The following RANBP2 variants were observed in gnomAD, a reference collection of about 807,000 sequenced individuals.
RANBP2 encodes the protein RAN binding protein 2, also known as E3 SUMO-protein ligase RanBP2.
RANBP2 carries 57 observed loss-of-function variants against 303.6 expected under a neutral mutation model. That is an observed-to-expected ratio of 0.19 (90% CI 0.15 to 0.23). The LOEUF (loss-of-function observed/expected upper bound fraction) is 0.23, where lower values mean the gene tolerates loss of function less well. Ranked by LOEUF, RANBP2 falls within the 10% of genes least tolerant of loss-of-function variation. The pLI is 1.00. For synonymous variants in RANBP2, 1,167 were observed against 1,301.5 expected, an observed-to-expected ratio of 0.90 and a Z score of 2.23; for missense variants, 3,138 against 3,780.8, an observed-to-expected ratio of 0.83 and a Z score of 4.46.
At chr2:109,616,292 T>G in the RANBP2 span, 5 of 484,382 alleles carry the variant, frequency 1.0e-5, no homozygotes, top group Non-Finnish European at 1.3e-5. Context: ...TGCCCTCCAC[T>G]TCCCTGCCCT....
chr2:109,330,102 A>G, the RANBP2 span, among the ~76,000 whole-genome samples: 2 of 152,250 alleles, frequency 1.3e-5, no homozygotes, highest in African/African-American at 4.8e-5. Flanking sequence ...AAATATATGT[A>G]GCACGGGCAT....
the RANBP2 span, among the ~76,000 whole-genome samples, chr2:109,353,167 C>T: frequency 6.6e-6 from 1 of 152,370 alleles, no homozygotes; most frequent in African/African-American, 2.4e-5. Flanking sequence ...CCACCTCACC[C>T]AGTCCTTGCT....
chr2:109,484,328 A>C, the RANBP2 span, among the ~76,000 whole-genome samples: 9 of 152,002 alleles, frequency 5.9e-5, 1 homozygote, highest in Admixed American at 5.2e-4. Flanking sequence ...TGGCCTCCCA[A>C]AGTGCTGGGA....
At chr2:109,655,306 A>G in the RANBP2 span, among the ~76,000 whole-genome samples, 2 of 152,144 alleles carry the variant, frequency 1.3e-5, no homozygotes, top group African/African-American at 4.8e-5. Flanking sequence ...AACTGGGAGG[A>G]TGTCAGAACA....
chr2:109,386,485 C>T, the RANBP2 span, among the ~76,000 whole-genome samples: 4 of 151,984 alleles, frequency 2.6e-5, no homozygotes, highest in African/African-American at 4.8e-5. Context: ...GCTCAGCAGG[C>T]GGGCTGTCCC....
intron 1 of RANBP2, among the ~76,000 whole-genome samples, chr2:108,722,523 C>A (rs7575995): frequency 6.6e-6 from 1 of 151,408 alleles, no homozygotes; most frequent in East Asian, 1.9e-4. Flanking sequence ...TCTAGAATGT[C>A]GGAGTTTTGG....
the RANBP2 span, among the ~76,000 whole-genome samples, chr2:109,300,932 C>T: frequency 6.6e-6 from 1 of 152,246 alleles, no homozygotes; most frequent in African/African-American, 2.4e-5. Context: ...GTGAGGGCCA[C>T]AGCATGGCTG....
chr2:108,751,880 C>T lies in RANBP2; in HGVS notation c.1641C>T (p.Asn547=), dbSNP rs1255583041. ...TTGAACTATTTTTTAGACCTGGAAA[C>T]GTAGCAAAATTGAGACTTCTAGTTC... ...TLIHRKAVPG[N]VAKLRLLVQH... Residue 547 remains asparagine (N), a synonymous_variant, in exon 12 of 29, where the codon AAC becomes AAT. Transcript: ENST00000283195. 9 of 1,611,878 alleles carry T rather than the reference C, an allele frequency of 5.6e-6. No individual in the cohort carries two copies. The highest frequency in any genetic ancestry group is 1.1e-5 in the South Asian group (1 of 90,974).
Position 108,764,203 on chromosome 2 carries a change from C to T in RANBP2, c.3664C>T (p.Leu1222=), listed in dbSNP as rs1290552885. 4.3e-6 allele frequency: 7 copies of T among 1,613,956 alleles called. No individual in the cohort carries two copies. Among genetic ancestry groups the T allele is most frequent in the African/African-American group, 1.3e-5 (1 of 74,904 alleles). Residue 1222 remains leucine (L), a synonymous_variant, in exon 20 of 29, where the codon CTG becomes TTG. Transcript: ENST00000283195. ...ACGTGGGATTGGCAATGTAAAAATACTGAGGCATAAAACATCTGGTAAAAT... is the reference window on the plus strand; with the variant it reads ...ACGTGGGATTGGCAATGTAAAAATATTGAGGCATAAAACATCTGGTAAAAT... The part of the protein sequence containing the change: ...KERGIGNVKI[L]RHKTSGKIRL...
At chr2:109,483,998 G>C in the RANBP2 span, among the ~76,000 whole-genome samples, 1 of 151,068 alleles carries the variant, frequency 6.6e-6, no homozygotes, top group African/African-American at 2.4e-5. Flanking sequence ...TGCTCCCAGC[G>C]TCCACCAGAC....
chr2:109,342,638 C>T, the RANBP2 span, among the ~76,000 whole-genome samples: 1 of 152,242 alleles, frequency 6.6e-6, no homozygotes, highest in East Asian at 1.9e-4. Context: ...TGCAGGCCGA[C>T]TCTGGCACCC....
chr2:109,148,352 T>C, the RANBP2 span, among the ~76,000 whole-genome samples: 1 of 152,250 alleles, frequency 6.6e-6, no homozygotes, highest in African/African-American at 2.4e-5. Context: ...TCCGTGGTTC[T>C]TCATGTCACT....
chr2:109,485,074 A>G, the RANBP2 span, among the ~76,000 whole-genome samples: 1 of 152,226 alleles, frequency 6.6e-6, no homozygotes, highest in Non-Finnish European at 1.5e-5. Flanking sequence ...CTGCAGATTG[A>G]GGTTCTCATG....
At chr2:109,397,804 C>T in the RANBP2 span, among the ~76,000 whole-genome samples, 2 of 152,212 alleles carry the variant, frequency 1.3e-5, no homozygotes, top group East Asian at 3.8e-4. Flanking sequence ...AGGGTTTATT[C>T]CCCGGTTGCT....
chr2:109,491,326 G>C, the RANBP2 span, among the ~76,000 whole-genome samples: 1 of 152,268 alleles, frequency 6.6e-6, no homozygotes, highest in South Asian at 2.1e-4. Context: ...GTCCCACTCA[G>C]GGAGCAGCTC....
the RANBP2 span, among the ~76,000 whole-genome samples, chr2:109,489,729 GT>G: frequency 2.3e-5 from 3 of 130,892 alleles, no homozygotes; most frequent in Non-Finnish European, 4.8e-5. Context: ...GTCGGACAAG[GT>G]TTTTTTTGGC....
chr2:108,849,413 T>C, the RANBP2 span, among the ~76,000 whole-genome samples: 2 of 152,154 alleles, frequency 1.3e-5, no homozygotes, highest in African/African-American at 2.4e-5. Flanking sequence ...CTCCTCTAGA[T>C]ACATGTGTGC....
chr2:109,615,262 G>A, the RANBP2 span: 3 of 1,566,552 alleles, frequency 1.9e-6, no homozygotes, highest in Non-Finnish European at 2.6e-6. Context: ...GAGAGCAGCG[G>A]CGGAGGCTCC....
chr2:109,361,867 A>T, the RANBP2 span, among the ~76,000 whole-genome samples: 209 of 152,336 alleles, frequency 1.4e-3, no homozygotes, highest in Admixed American at 2.5e-3. Flanking sequence ...TGGACATAGC[A>T]TTATTCATAA....
Sources: allele counts gnomAD v4.1 joint callset (sites outside exome capture counted in the v4.1 genomes callset), GRCh38; gene constraint gnomAD v4.1.1; transcripts MANE v1.5; gene names NCBI Gene and HGNC (gene_info 2026-07-23, HGNC 2026-07-21).